Variants in ANAPC4 observed in about 807,000 individuals in gnomAD.
ANAPC4 encodes anaphase promoting complex subunit 4, also known as anaphase-promoting complex subunit 4.
ANAPC4 carries 63 observed loss-of-function variants against 119.8 expected under a neutral mutation model. The ratio of observed to expected loss-of-function variants is 0.53; its 90% CI spans 0.43 to 0.65. The LOEUF is 0.65. ANAPC4 is among the 30% of genes least tolerant of loss of function. ANAPC4 has a pLI of 0.00. For missense variants in ANAPC4, 716 were observed against 945.1 expected (o/e 0.76, Z 3.18); for synonymous variants, 283 against 318.6 (o/e 0.89, Z 1.19).
chr4:25,413,931 G>A (rs757130298), intron 22 of ANAPC4, 189 bp downstream of exon 22: 68 of 244,082 alleles, frequency 2.8e-4, no homozygotes, highest in Non-Finnish European at 1.5e-4. Flanking sequence ...TCTTACACAC[G>A]TGTGTGTGTG....
At chr4:25,383,231 A>G (rs1411487738) in intron 3 of ANAPC4, 30 bp from the exon 4 acceptor site, 1 of 1,574,514 alleles carries the variant, frequency 6.4e-7, no homozygotes, top group African/African-American at 1.4e-5. Flanking sequence ...TGTTACACTA[A>G]TTTATTCTGA....
chr4:25,385,233 G>C (rs1386877622), intron 4 of ANAPC4, among the ~76,000 whole-genome samples: 2 of 152,208 alleles, frequency 1.3e-5, no homozygotes, highest in Admixed American at 6.5e-5. Context: ...AGCTATGAAA[G>C]TCCTAGGTGG....
At chr4:25,381,404 G>A (rs1406804066) in intron 3 of ANAPC4, among the ~76,000 whole-genome samples, 1 of 151,416 alleles carries the variant, frequency 6.6e-6, no homozygotes, top group East Asian at 1.9e-4. Flanking sequence ...TTCACCTCCC[G>A]GGTTCAAGCA....
chr4:25,398,562 A>G (rs1235895429), intron 16 of ANAPC4, among the ~76,000 whole-genome samples: 1 of 152,176 alleles, frequency 6.6e-6, no homozygotes, highest in Non-Finnish European at 1.5e-5. Context: ...GCCAGGTTGC[A>G]TAGAGTCTGT....
rs746469798 is a variant in ANAPC4, at chr4:25,409,748, A to C, written c.1482A>C (p.Gly494=). Residue 494 remains glycine, a synonymous_variant, in exon 21 of 29, where the codon GGA becomes GGC. Coordinates refer to ENST00000315368, the MANE Select transcript of ANAPC4 (RefSeq NM_013367.3). The part of the protein sequence containing the change: ...DDLVSPPNTE[G]NQWYDFLQNS... ...TTGTGTCACCCCCTAACACAGAAGG[A>C]AACCAGTGGTATGACTTTCTTCAAA... is the stretch of plus-strand genomic sequence containing the variant. The C allele has an allele frequency of 6.2e-7, 1 of 1,613,570 alleles. No individual in the cohort carries two copies. Among genetic ancestry groups the C allele is most frequent in the South Asian group, 1.1e-5 (1 of 91,042 alleles).
In ANAPC4 at chr4:25,417,675, G is replaced by A; in HGVS notation, c.2135G>A (p.Arg712Lys). 1 of 1,613,682 alleles carries A rather than the reference G, an allele frequency of 6.2e-7. No individual in the cohort carries two copies. ...TRTMHFEKHWRLLESMKAQYV... is the reference protein window; with the variant it reads ...TRTMHFEKHWKLLESMKAQYV... ...ACCATGCATTTTGAGAAGCACTGGA[G>A]ATTACTGGAAAGTATGAAAGCACAG... Residue 712 changes from arginine (R) to lysine (K), a missense_variant, in exon 28 of 29, where the codon AGA becomes AAA. Physicochemically the swap from Arg to Lys is conservative, Grantham distance 26. Transcript: ENST00000315368.
At chr4:25,402,320 A>G (rs1380894898) in intron 16 of ANAPC4, among the ~76,000 whole-genome samples, 1 of 152,196 alleles carries the variant, frequency 6.6e-6, no homozygotes, top group African/African-American at 2.4e-5. Context: ...TAATTATCGT[A>G]TACATGTGAG....
At chr4:25,385,362 G>T (rs1721974926) in intron 4 of ANAPC4, among the ~76,000 whole-genome samples, 1 of 152,200 alleles carries the variant, frequency 6.6e-6, no homozygotes, top group Admixed American at 6.5e-5. Flanking sequence ...ATAAAAGGCT[G>T]TTCTTCTCCA....
chr4:25,378,635 G>A (rs1040846279), intron 2 of ANAPC4, among the ~76,000 whole-genome samples: 2 of 152,190 alleles, frequency 1.3e-5, no homozygotes, highest in Non-Finnish European at 2.9e-5. Flanking sequence ...AGAAGCAAGG[G>A]CATTGTTTAT....
intron 20 of ANAPC4, 144 bp from the exon 21 acceptor site, chr4:25,409,554 A>T (rs960803497): frequency 3.4e-6 from 2 of 589,166 alleles, no homozygotes; most frequent in African/African-American, 3.7e-5. Flanking sequence ...TTATTAAGTT[A>T]AAAAAGTGTT....
intron 3 of ANAPC4, among the ~76,000 whole-genome samples, chr4:25,381,472 G>A (rs916870231): frequency 6.6e-6 from 1 of 151,964 alleles, no homozygotes; most frequent in Non-Finnish European, 1.5e-5. Flanking sequence ...CTTCATCCCT[G>A]GCTAATTTTT....
intron 4 of ANAPC4, 79 bp from the exon 5 acceptor site, chr4:25,388,421 T>C: frequency 1.0e-6 from 1 of 981,198 alleles, no homozygotes; most frequent in South Asian, 1.4e-5. Context: ...GGGTATCTTT[T>C]TTAAAAATTA....
rs557035375 is a variant in ANAPC4, at chr4:25,405,700, T to C, written c.1317+81T>C. ...TGTGCTGGTCATTTTGGTACTCTTA[T>C]TCAGTTATTAGTTAACAGGATGTCA... On this transcript the variant is annotated intron_variant, in intron 18 of 28. Transcript: ENST00000315368. This position sits in a 1 kb window ranked among gnomAD's most constrained non-coding sequence, Gnocchi z 4.6. The C allele has an allele frequency of 1.0e-5, 14 of 1,363,558 alleles. No individual in the cohort carries two copies. The East Asian group carries it at 3.2e-4, about 31-fold the overall frequency. 84.5% of individuals were successfully genotyped at this position (1,363,558 alleles called of 1,614,324 possible). A position where few individuals can be genotyped will look rare whatever the true frequency, so the allele number is the denominator to read the frequency against.
intron 1 of ANAPC4, 21 bp downstream of exon 1, chr4:25,377,365 C>T: frequency 1.3e-6 from 2 of 1,598,192 alleles, no homozygotes; most frequent in East Asian, 4.5e-5. Context: ...GGTCGGGGCT[C>T]CTCGTGGAGA....
intron 21 of ANAPC4, 101 bp downstream of exon 21, chr4:25,409,892 T>C: frequency 2.7e-6 from 2 of 731,566 alleles, no homozygotes; most frequent in South Asian, 3.5e-5. Flanking sequence ...TGCTGAACAC[T>C]TACCTAAGTT....
chr4:25,391,833 GT>G (rs1722362895), intron 9 of ANAPC4, among the ~76,000 whole-genome samples: 1 of 152,146 alleles, frequency 6.6e-6, no homozygotes, highest in Admixed American at 6.5e-5. Context: ...TATGGTAATG[GT>G]TGTTCATATT....
At chr4:25,392,209 C>A in intron 9 of ANAPC4, 129 bp from the exon 10 acceptor site, 1 of 650,458 alleles carries the variant, frequency 1.5e-6, no homozygotes, top group South Asian at 1.9e-5. Flanking sequence ...TGTTTCCAAA[C>A]CGTTCTGCTC....
rs536894545 is a variant in ANAPC4 at position 25,412,676 on chromosome 4, G to A, written c.1526-969G>A. 2.0e-4 allele frequency among the ~76,000 whole-genome samples: 31 copies of A among 151,924 alleles called. No homozygotes were observed. In the South Asian group the frequency reaches 5.8e-3, roughly 29 times the overall value. On this transcript the variant is annotated intron_variant, in intron 21 of 28. Coordinates refer to ENST00000315368, the MANE Select transcript of ANAPC4 (RefSeq NM_013367.3). ...TGAGGCAGGAGAATCGCTTGAATCC[G>A]GGAGGCAGAGTTTGCAATGAGCTGA...
intron 16 of ANAPC4, among the ~76,000 whole-genome samples, chr4:25,398,455 G>C (rs1722774604): frequency 6.6e-6 from 1 of 152,156 alleles, no homozygotes; most frequent in South Asian, 2.1e-4. Flanking sequence ...CCCTGAGTTT[G>C]GAGCATGCCT....
Sources: gnomAD v4.1 joint callset for allele counts (sites outside exome capture counted in the v4.1 genomes callset) on GRCh38, gnomAD v4.1.1 for gene constraint, Gnocchi (gnomAD v3.1) non-coding constraint, MANE v1.5 for transcripts, NCBI Gene and HGNC (gene_info 2026-07-23, HGNC 2026-07-21) for gene names.